Variants in PCCA observed in about 807,000 individuals in gnomAD.
PCCA encodes propionyl-CoA carboxylase alpha chain, mitochondrial.
A neutral mutation model predicts 101.3 loss-of-function variants in PCCA; 74 were observed. That is an observed-to-expected ratio of 0.73 (90% CI 0.61 to 0.89). The LOEUF (loss-of-function observed/expected upper bound fraction) is 0.89. PCCA is among the 40% of genes least tolerant of loss of function. The pLI is 0.00. For synonymous variants in PCCA, 294 were observed against 313.6 expected (o/e 0.94, Z 0.66); for missense variants, 891 against 907.0 (o/e 0.98, Z 0.23).
At chr13:100,516,320 G>A (rs1487512661) in intron 22 of PCCA, among the ~76,000 whole-genome samples, 2 of 152,218 alleles carry the variant, frequency 1.3e-5, no homozygotes, top group South Asian at 4.1e-4. Flanking sequence ...CATGGATGAG[G>A]TGGTGATTCC....
At chr13:100,515,640 C>A in intron 22 of PCCA, 73 bp downstream of exon 22, 2 of 1,559,044 alleles carry the variant, frequency 1.3e-6, no homozygotes, top group Non-Finnish European at 8.8e-7. Flanking sequence ...CGGCTAACGG[C>A]ACAGCACGAT....
intron 4 of PCCA, among the ~76,000 whole-genome samples, chr13:100,132,209 G>C (rs2050584937): frequency 7.8e-6 from 1 of 128,392 alleles, no homozygotes; most frequent in East Asian, 1.9e-4. Flanking sequence ...ATACCCTTCT[G>C]TGGATATCAG....
rs531450275 is a variant in PCCA, at chr13:100,517,148, A to AG, written c.2040+1584dup. 2.4e-4 allele frequency among the ~76,000 whole-genome samples: 33 copies of AG among 139,446 alleles called. No homozygotes were observed. In the South Asian group the frequency reaches 8.4e-3, roughly 36 times the overall value. 91.5% of individuals were successfully genotyped at this position (139,446 alleles called of 152,430 possible). The stretch of plus-strand genomic sequence containing the variant: ...AACACCTGAATCCAAACCGGAGTGG[A>AG]GGGAGGGCGGGCAGGGATGAGGGAG... On this transcript the variant is annotated intron_variant, in intron 22 of 23. Transcript: ENST00000376285.
At chr13:100,429,947 C>T (rs995576400) in intron 20 of PCCA, among the ~76,000 whole-genome samples, 8 of 151,914 alleles carry the variant, frequency 5.3e-5, no homozygotes, top group African/African-American at 1.9e-4. Flanking sequence ...AAAGAATGAC[C>T]CAATGAAAAC....
chr13:100,481,744 A>T (rs185288362), intron 21 of PCCA, among the ~76,000 whole-genome samples: 155 of 152,232 alleles, frequency 1.0e-3, no homozygotes, highest in Non-Finnish European at 2.0e-3. Context: ...ACTACTCAGA[A>T]TGACTCACAA....
rs75388780 is a variant in PCCA, at chr13:100,226,769, C to T, written c.601-9073C>T. On this transcript the variant is annotated intron_variant, in intron 7 of 23. Coordinates refer to ENST00000376285, the MANE Select transcript of PCCA (RefSeq NM_000282.4). ...GTACCAACATGGTAGTTTGGGGTGG[C>T]GGGCTGCCCATTTTCTCATAATTAC... 2.1e-3 allele frequency among the ~76,000 whole-genome samples: 325 copies of T among 152,232 alleles called. 3 individuals carry two copies. Among genetic ancestry groups the T allele is most frequent in the East Asian group, 0.017 (89 of 5,184 alleles).
At chr13:100,089,323 G>C in intron 1 of PCCA, 98 bp downstream of exon 1, 1 of 1,319,450 alleles carries the variant, frequency 7.6e-7, no homozygotes, top group Non-Finnish European at 9.7e-7. Context: ...GCTGGGTCCG[G>C]CTGCCCCCGC....
chr13:100,090,483 A>G (rs1233494352), intron 1 of PCCA, among the ~76,000 whole-genome samples: 5 of 152,156 alleles, frequency 3.3e-5, no homozygotes, highest in Non-Finnish European at 5.9e-5. Context: ...GGCTTTGTAT[A>G]TTGGACAGGT....
intron 12 of PCCA, among the ~76,000 whole-genome samples, chr13:100,278,085 T>A (rs1014064360): frequency 6.6e-6 from 1 of 152,208 alleles, no homozygotes; most frequent in Non-Finnish European, 1.5e-5. Flanking sequence ...TTTGTGACTA[T>A]CTTTAGAAGT....
chr13:100,124,525 G>T (rs780046966), intron 4 of PCCA, among the ~76,000 whole-genome samples: 1 of 152,104 alleles, frequency 6.6e-6, no homozygotes, highest in Non-Finnish European at 1.5e-5. Context: ...AGCACTCTGG[G>T]GTGATTGACA....
intron 17 of PCCA, among the ~76,000 whole-genome samples, chr13:100,333,506 T>G (rs1337018116): frequency 6.6e-6 from 1 of 152,258 alleles, no homozygotes; most frequent in Non-Finnish European, 1.5e-5. Flanking sequence ...AGAGTTAAAC[T>G]TTGAAATGAT....
chr13:100,286,629 C>T (rs1347579088), intron 12 of PCCA, among the ~76,000 whole-genome samples: 1 of 152,210 alleles, frequency 6.6e-6, no homozygotes, highest in Admixed American at 6.5e-5. Flanking sequence ...CCTTGTATTT[C>T]CTTACAGCTT....
At chr13:100,189,043 C>T (rs2057541211) in intron 6 of PCCA, among the ~76,000 whole-genome samples, 1 of 152,114 alleles carries the variant, frequency 6.6e-6, no homozygotes, top group Non-Finnish European at 1.5e-5. Context: ...TCCTAGCCCC[C>T]CACCCCCTGA....
intron 21 of PCCA, among the ~76,000 whole-genome samples, chr13:100,488,287 T>G (rs1255205485): frequency 6.6e-6 from 1 of 152,048 alleles, no homozygotes; most frequent in African/African-American, 2.4e-5. Context: ...GAGACAGGGT[T>G]TCTCCATGTT....
At chr13:100,451,763 T>C (rs1296397102) in intron 21 of PCCA, among the ~76,000 whole-genome samples, 2 of 110,718 alleles carry the variant, frequency 1.8e-5, no homozygotes, top group African/African-American at 3.6e-5. Flanking sequence ...TCCCTCTCTG[T>C]CCTCTTCCTC....
At position 100,124,638 on chromosome 13, in the gene PCCA, A is replaced by C. The variant is rs143985465; in HGVS notation, c.300+12577A>C. 1.1e-3 allele frequency among the ~76,000 whole-genome samples: 170 copies of C among 152,298 alleles called. 1 individual carries two copies. The highest frequency in any genetic ancestry group is 4.0e-3 in the African/African-American group (167 of 41,566). Reference sequence around the variant, plus strand: ...GAATAGGACTTGGTGATGTCTAAGTAATTAGTGTATGTTGGTTCCAGCTGA... The same window carrying C: ...GAATAGGACTTGGTGATGTCTAAGTCATTAGTGTATGTTGGTTCCAGCTGA... On this transcript the variant is annotated intron_variant, in intron 4 of 23. Transcript: ENST00000376285.
intron 16 of PCCA, among the ~76,000 whole-genome samples, chr13:100,321,901 G>C (rs1011313370): frequency 6.6e-6 from 1 of 151,970 alleles, no homozygotes; most frequent in Non-Finnish European, 1.5e-5. Context: ...AGTATAAAAG[G>C]ATGCATAGGA....
chr13:100,521,371 A>G (rs986762249), intron 22 of PCCA, among the ~76,000 whole-genome samples: 1 of 152,172 alleles, frequency 6.6e-6, no homozygotes, highest in African/African-American at 2.4e-5. Flanking sequence ...CGCGCCCTCC[A>G]GAGTGAGGCC....
chr13:100,158,032 G>GTGA (rs2054052520), intron 6 of PCCA, among the ~76,000 whole-genome samples: 1 of 152,178 alleles, frequency 6.6e-6, no homozygotes, highest in African/African-American at 2.4e-5. Flanking sequence ...TCATCCTTGT[G>GTGA]TGAACATCAC....
Sources: allele counts gnomAD v4.1 joint callset (sites outside exome capture counted in the v4.1 genomes callset), GRCh38; gene constraint gnomAD v4.1.1; transcripts MANE v1.5; gene names NCBI Gene and HGNC (gene_info 2026-07-23, HGNC 2026-07-21).